Variants in ERFL observed in about 807,000 individuals in gnomAD.
ERFL encodes the protein ETS domain-containing transcription factor ERF-like.
In ERFL, 8 loss-of-function variants were observed where a neutral mutation model predicts 27.9. The ratio of observed to expected loss-of-function variants is 0.29; its 90% CI spans 0.17 to 0.52. The LOEUF is 0.52. Among genes scored for constraint, ERFL ranks in the 20% least tolerant of loss-of-function variants. The pLI, the probability that ERFL is intolerant of heterozygous loss-of-function variation, is 0.97. For synonymous variants in ERFL, 174 were observed against 202.8 expected, an observed-to-expected ratio of 0.86 and a Z score of 1.21; for missense variants, 294 against 444.4, an observed-to-expected ratio of 0.66 and a Z score of 3.04.
At chr19:41,913,863 G>A (rs1334194893) in intron 1 of ERFL, among the ~76,000 whole-genome samples, 1 of 131,576 alleles carries the variant, frequency 7.6e-6, no homozygotes, top group Non-Finnish European at 1.6e-5. Flanking sequence ...CGCTGCCCTC[G>A]CGCTCCCGAG....
rs531211998 is a variant in ERFL, at chr19:41,909,163, C to G, written c.513G>C (p.Leu171=). 15 of 1,231,726 alleles carry G rather than the reference C, an allele frequency of 1.2e-5. No individual in the cohort carries two copies. Among genetic ancestry groups the G allele is most frequent in the Non-Finnish European group, 1.5e-5 (15 of 988,110 alleles). 76.3% of individuals were successfully genotyped at this position (1,231,726 alleles called of 1,614,324 possible). A position where few individuals can be genotyped will look rare whatever the true frequency, so the allele number is the denominator to read the frequency against. ...GCTCTCCCAGGCGTGGGGCAGAGAA[C>G]AGGGTTTGCAGGGTCTAGAGAGGGA... ...PPLTPETLQT[L]FSAPRLGEPG... Residue 171 remains leucine (L), a synonymous_variant, in exon 5 of 6, where the codon CTG becomes CTC. Transcript: ENST00000597630. The surrounding 1 kb of genome is among the most constrained non-coding windows in gnomAD (Gnocchi z 5.2).
In ERFL at chr19:41,916,457, A is replaced by T. The variant is rs1188632498; in HGVS notation, c.-13-3525T>A. Among the ~76,000 whole-genome samples the T allele has an allele frequency of 6.6e-6, 1 of 152,118 alleles. No individual in the cohort carries two copies. The highest frequency in any genetic ancestry group is 1.5e-5 in the Non-Finnish European group (1 of 68,028). Reference sequence around the variant, plus strand: ...TCAGCATAGTCACAGATGCACAGAAACAGACACACAGTTTTACACAAATAC... The same window carrying T: ...TCAGCATAGTCACAGATGCACAGAATCAGACACACAGTTTTACACAAATAC... On this transcript the variant is annotated intron_variant, in intron 1 of 5. Coordinates refer to ENST00000597630, the MANE Select transcript of ERFL (RefSeq NM_001365103.2). The surrounding 1 kb of genome is among the most constrained non-coding windows in gnomAD (Gnocchi z 5.4).
rs577875428 is a variant in ERFL, at chr19:41,916,759, C to T, written c.-13-3827G>A. 2.8e-4 allele frequency among the ~76,000 whole-genome samples: 43 copies of T among 152,156 alleles called. 1 individual carries two copies. The highest frequency in any genetic ancestry group is 2.2e-3 in the Admixed American group (34 of 15,284). On this transcript the variant is annotated intron_variant, in intron 1 of 5. Coordinates refer to ENST00000597630, the MANE Select transcript of ERFL (RefSeq NM_001365103.2). The surrounding 1 kb of genome is among the most constrained non-coding windows in gnomAD (Gnocchi z 5.4). ...CACCAGCACCAACCCAGACAGCCAACGCACACGGCCACACACACACCCATT... is the reference window on the plus strand; with the variant it reads ...CACCAGCACCAACCCAGACAGCCAATGCACACGGCCACACACACACCCATT...
intron 1 of ERFL, among the ~76,000 whole-genome samples, chr19:41,920,041 G>A (rs550139278): frequency 1.2e-4 from 14 of 120,998 alleles, no homozygotes; most frequent in South Asian, 3.9e-4. Context: ...GACATGATAC[G>A]CTCACAGACA....
At chr19:41,919,695 A>G (rs1259974063) in intron 1 of ERFL, among the ~76,000 whole-genome samples, 1 of 151,776 alleles carries the variant, frequency 6.6e-6, no homozygotes. Flanking sequence ...ACCCACACTC[A>G]CCAGCCCAGC....
intron 1 of ERFL, among the ~76,000 whole-genome samples, chr19:41,922,002 C>T (rs1407555261): frequency 6.6e-6 from 1 of 151,938 alleles, no homozygotes; most frequent in Non-Finnish European, 1.5e-5. Context: ...ATTCTACCTC[C>T]ACCCCCAGCC....
chr19:41,922,984 G>C (rs2074850913), intron 1 of ERFL: 1 of 370,570 alleles, frequency 2.7e-6, no homozygotes, highest in Admixed American at 3.4e-5. Flanking sequence ...TGACAGCCAG[G>C]TGAAGGGAAT....
chr19:41,926,946 C>CAG (rs141620832), intron 1 of ERFL, among the ~76,000 whole-genome samples: 24 of 149,812 alleles, frequency 1.6e-4, no homozygotes, highest in Non-Finnish European at 2.7e-4. Context: ...CAGAAAGAGG[C>CAG]AGAGAGAGAG....
intron 1 of ERFL, among the ~76,000 whole-genome samples, chr19:41,920,831 G>A (rs1455381649): frequency 1.3e-5 from 2 of 152,264 alleles, no homozygotes; most frequent in Non-Finnish European, 2.9e-5. Flanking sequence ...ACCCTCGCTT[G>A]AGAGGTGGGG....
At chr19:41,913,141 T>TC (rs1555851405) in intron 1 of ERFL, among the ~76,000 whole-genome samples, 1 of 145,840 alleles carries the variant, frequency 6.9e-6, no homozygotes, top group Non-Finnish European at 1.5e-5. Flanking sequence ...GTTCCTTCCC[T>TC]CCCAGCCTCT....
rs1568829752 is a variant in ERFL, at chr19:41,910,707, G to A, written c.68-610C>T. On this transcript the variant is annotated intron_variant, in intron 2 of 5. Coordinates refer to ENST00000597630, the MANE Select transcript of ERFL (RefSeq NM_001365103.2). This position sits in a 1 kb window ranked among gnomAD's most constrained non-coding sequence, Gnocchi z 4.4. ...CCATGCCCATGTCCGTCCAAGAGCA[G>A]TCCAGAACGATGTGTGTGTGTGCGT... Among the ~76,000 whole-genome samples, 1 of 152,150 alleles carries A rather than the reference G, an allele frequency of 6.6e-6. No individual in the cohort carries two copies. The highest frequency in any genetic ancestry group is 6.5e-5 in the Admixed American group (1 of 15,278).
chr19:41,913,128 C>T (rs1179685676), intron 1 of ERFL, among the ~76,000 whole-genome samples, 196 bp from the exon 2 acceptor site: 1 of 152,066 alleles, frequency 6.6e-6, no homozygotes, highest in Non-Finnish European at 1.5e-5. Context: ...GCCCCGAGAC[C>T]CCGTTCCTTC....
intron 1 of ERFL, chr19:41,922,953 C>T: frequency 2.8e-6 from 1 of 357,564 alleles, no homozygotes; most frequent in South Asian, 2.1e-5. Flanking sequence ...CATTCTCCAC[C>T]CTGCACACAC....
rs1199967518 is a variant in ERFL at position 41,910,180 on chromosome 19, A to G, written c.68-83T>C. The G allele has an allele frequency of 8.9e-6, 12 of 1,341,542 alleles. No homozygotes were observed. Among genetic ancestry groups the G allele is most frequent in the Non-Finnish European group, 1.2e-5 (12 of 981,844 alleles). The allele number at this position is 1,341,542 out of a possible 1,614,324, so 83.1% of individuals were successfully genotyped here. ...GTCCTGCTGGACTCAGTAACCTGGGAGGCATGTAGTTCTCCTCCAGTCTCA... is the reference window on the plus strand; with the variant it reads ...GTCCTGCTGGACTCAGTAACCTGGGGGGCATGTAGTTCTCCTCCAGTCTCA... On this transcript the variant is annotated intron_variant, in intron 2 of 5. Coordinates refer to ENST00000597630, the MANE Select transcript of ERFL (RefSeq NM_001365103.2). This position sits in a 1 kb window ranked among gnomAD's most constrained non-coding sequence, Gnocchi z 4.4.
intron 1 of ERFL, among the ~76,000 whole-genome samples, chr19:41,918,409 C>T (rs2074815556): frequency 1.4e-5 from 2 of 138,716 alleles, no homozygotes; most frequent in Admixed American, 1.3e-4. Flanking sequence ...CCATATCACA[C>T]ACACCACACA....
At chr19:41,914,321 C>G (rs1424858101) in intron 1 of ERFL, among the ~76,000 whole-genome samples, 2 of 151,498 alleles carry the variant, frequency 1.3e-5, no homozygotes, top group East Asian at 2.0e-4. Context: ...CCTTCCGTCT[C>G]CCCCCACCAT....
At chr19:41,924,298 CCTTGA>C (rs1404837891) in intron 1 of ERFL, among the ~76,000 whole-genome samples, 1 of 151,964 alleles carries the variant, frequency 6.6e-6, no homozygotes, top group African/African-American at 2.4e-5. Context: ...AGTCAGACAG[CCTTGA>C]CTTGACTCAA....
intron 1 of ERFL, among the ~76,000 whole-genome samples, chr19:41,920,010 C>T (rs1429584478): frequency 7.2e-6 from 1 of 138,936 alleles, no homozygotes; most frequent in Non-Finnish European, 1.5e-5. Flanking sequence ...ATGACGAACT[C>T]ACAGACATGA....
At position 41,917,584 on chromosome 19, in the gene ERFL, A is replaced by T. The variant is rs2074809491; in HGVS notation, c.-13-4652T>A. Among the ~76,000 whole-genome samples the T allele has an allele frequency of 6.6e-6, 1 of 151,500 alleles. No homozygotes were observed. The highest frequency in any genetic ancestry group is 2.1e-4 in the South Asian group (1 of 4,802). ...GGGGCTCTGTCTAAAGAGGAGAGAG[A>T]CGCGGCCTAAGACCCTTCTGCCACC... is the stretch of plus-strand genomic sequence containing the variant. On this transcript the variant is annotated intron_variant, in intron 1 of 5. Coordinates refer to ENST00000597630, the MANE Select transcript of ERFL (RefSeq NM_001365103.2). This position sits in a 1 kb window ranked among gnomAD's most constrained non-coding sequence, Gnocchi z 4.8.
Sources: allele counts gnomAD v4.1 joint callset (sites outside exome capture counted in the v4.1 genomes callset), GRCh38; gene constraint gnomAD v4.1.1; non-coding constraint Gnocchi (gnomAD v3.1); transcripts MANE v1.5; gene names NCBI Gene and HGNC (gene_info 2026-07-23, HGNC 2026-07-21).